The following MMP16 variants were observed in gnomAD, a reference collection of about 807,000 sequenced individuals.
MMP16 encodes matrix metallopeptidase 16, also known as matrix metalloproteinase-16.
Under a neutral mutation model 67.8 loss-of-function variants are expected in MMP16, and 12 were observed. That is an observed-to-expected ratio of 0.18 (90% CI 0.11 to 0.29). The LOEUF is 0.29. MMP16 is among the 10% of genes least tolerant of loss of function. MMP16 has a pLI of 1.00. For missense variants in MMP16, 475 were observed against 765.7 expected (o/e 0.62, Z 4.48); for synonymous variants, 249 against 255.9 (o/e 0.97, Z 0.26).
intron 8 of MMP16, among the ~76,000 whole-genome samples, chr8:88,052,960 A>G (rs1238199859): frequency 2.6e-5 from 4 of 152,054 alleles, no homozygotes; most frequent in Non-Finnish European, 5.9e-5. Context: ...ACTGTTTATT[A>G]TTTGTCTCCC....
At chr8:88,065,281 T>C (rs1388008937) in intron 7 of MMP16, among the ~76,000 whole-genome samples, 1 of 152,096 alleles carries the variant, frequency 6.6e-6, no homozygotes, top group Non-Finnish European at 1.5e-5. Context: ...ATAACAGTTT[T>C]TGAAAATAAG....
rs752026949 is a variant in MMP16 at position 88,041,464 on chromosome 8, C to T, written c.1821G>A (p.Val607=). Residue 607 remains valine, a synonymous_variant, in exon 10 of 10, where the codon GTG becomes GTA. Coordinates refer to ENST00000286614, the MANE Select transcript of MMP16 (RefSeq NM_005941.5). This position sits in a 1 kb window ranked among gnomAD's most constrained non-coding sequence, Gnocchi z 6.0. Reference sequence around the variant, plus strand: ...AGAAAGAAGAAAAAACCCTACATCACACCCACTCTTGCATAGAGCGTTTAC... The same window carrying T: ...AGAAAGAAGAAAAAACCCTACATCATACCCACTCTTGCATAGAGCGTTTAC... The part of the protein sequence containing the change: ...LYCKRSMQEW[V] The T allele has an allele frequency of 1.3e-5, 21 of 1,606,038 alleles. No individual in the cohort carries two copies. The highest frequency in any genetic ancestry group is 1.1e-5 in the Non-Finnish European group (13 of 1,173,882).
intron 2 of MMP16, among the ~76,000 whole-genome samples, chr8:88,187,032 G>A (rs1235746004): frequency 6.6e-6 from 1 of 152,082 alleles, no homozygotes; most frequent in Non-Finnish European, 1.5e-5. Context: ...GAGTTTAAAT[G>A]CCAGGATTCA....
rs1416958267 is a variant in MMP16 at position 88,223,663 on chromosome 8, T to C, written c.133-26357A>G. Among the ~76,000 whole-genome samples, 6 of 120,958 alleles carry C rather than the reference T, an allele frequency of 5.0e-5. No individual in the cohort carries two copies. In the Admixed American group the frequency reaches 6.8e-4, roughly 14 times the overall value. 79.4% of individuals were successfully genotyped at this position (120,958 alleles called of 152,430 possible). On this transcript the variant is annotated intron_variant, in intron 1 of 9. Transcript: ENST00000286614. ...ACAATGAAAGCACTTGGACACAGGG[T>C]GCAGAACATCACACACTGGGCCTGT...
intron 1 of MMP16, among the ~76,000 whole-genome samples, chr8:88,205,903 G>A (rs1415652309): frequency 6.6e-6 from 1 of 151,768 alleles, no homozygotes; most frequent in Non-Finnish European, 1.5e-5. Flanking sequence ...ACTCATAATC[G>A]ATATCAGTCA....
chr8:88,206,279 A>G (rs1343067768), intron 1 of MMP16, among the ~76,000 whole-genome samples: 1 of 152,178 alleles, frequency 6.6e-6, no homozygotes, highest in African/African-American at 2.4e-5. Context: ...CTGAAACTAT[A>G]TATAGAAAAG....
At chr8:88,160,043 C>T (rs1188000607) in intron 4 of MMP16, among the ~76,000 whole-genome samples, 1 of 151,290 alleles carries the variant, frequency 6.6e-6, no homozygotes, top group Non-Finnish European at 1.5e-5. Context: ...CATATGTATA[C>T]ATGTGCCATG....
At chr8:88,238,995 C>A (rs1809990574) in intron 1 of MMP16, among the ~76,000 whole-genome samples, 1 of 151,966 alleles carries the variant, frequency 6.6e-6, no homozygotes, top group East Asian at 1.9e-4. Flanking sequence ...GTATATTTCC[C>A]ATTAGTCTAG....
intron 4 of MMP16, among the ~76,000 whole-genome samples, chr8:88,149,429 C>G (rs1459888079): frequency 3.3e-5 from 5 of 152,186 alleles, no homozygotes; most frequent in Non-Finnish European, 5.9e-5. Context: ...AACAAAAAGA[C>G]AGCAGTAACC....
chr8:88,056,331 A>T (rs1808332133), intron 7 of MMP16, 53 bp from the exon 8 acceptor site: 2 of 953,886 alleles, frequency 2.1e-6, no homozygotes, highest in African/African-American at 3.5e-5. Flanking sequence ...TCATAATTAG[A>T]ATATATCTAT....
intron 1 of MMP16, among the ~76,000 whole-genome samples, chr8:88,207,600 G>A (rs1419429424): frequency 2.0e-5 from 3 of 151,996 alleles, no homozygotes; most frequent in African/African-American, 7.2e-5. Flanking sequence ...CAGTTGAATT[G>A]CTTGTGAATT....
rs1254420363 is a variant in MMP16, at chr8:88,041,150, CT to C, written c.*310del. 1.7e-5 allele frequency: 4 copies of C among 241,000 alleles called. No homozygotes were observed. The East Asian group carries it at 3.3e-4, about 20-fold the overall frequency. The allele number at this position is 241,000 out of a possible 1,614,324, so 14.9% of individuals were successfully genotyped here. On this transcript the variant is annotated 3_prime_UTR_variant, in exon 10 of 10. Transcript: ENST00000286614. This position sits in a 1 kb window ranked among gnomAD's most constrained non-coding sequence, Gnocchi z 6.0. Reference sequence around the variant, plus strand: ...AAACTTTTAAGAAGAATCTTTTCTTCTTTTTCTCCTCTTCTTTAGTTAATCC... The same window carrying C: ...AAACTTTTAAGAAGAATCTTTTCTTCTTTTCTCCTCTTCTTTAGTTAATCC...
rs866597456 is a variant in MMP16 at position 88,294,542 on chromosome 8, A to G, written c.132+32533T>C. The stretch of plus-strand genomic sequence containing the variant: ...CACATGTATATGTCTCTATACACAT[A>G]TATGTATATATGTCTCTATACACAC... On this transcript the variant is annotated intron_variant, in intron 1 of 9. Transcript: ENST00000286614. 4.0e-4 allele frequency among the ~76,000 whole-genome samples: 60 copies of G among 150,550 alleles called. 1 individual carries two copies. Among genetic ancestry groups the G allele is most frequent in the Admixed American group, 4.0e-4 (6 of 15,064 alleles).
chr8:88,121,284 T>C (rs1807825328), intron 4 of MMP16, among the ~76,000 whole-genome samples: 1 of 152,006 alleles, frequency 6.6e-6, no homozygotes, highest in African/African-American at 2.4e-5. Flanking sequence ...AGAAAATTAA[T>C]AGAACCAGGA....
chr8:88,110,656 A>G (rs1809319460), intron 6 of MMP16, among the ~76,000 whole-genome samples: 1 of 151,498 alleles, frequency 6.6e-6, no homozygotes, highest in South Asian at 2.1e-4. Context: ...CACTTTTCGG[A>G]CTCTCTGCCA....
intron 5 of MMP16, among the ~76,000 whole-genome samples, chr8:88,118,192 A>G (rs1490759447): frequency 6.6e-6 from 1 of 152,044 alleles, no homozygotes; most frequent in African/African-American, 2.4e-5. Context: ...AAATCATTAT[A>G]TGACTTTGGG....
intron 5 of MMP16, 26 bp from the exon 6 acceptor site, chr8:88,116,744 T>C: frequency 6.3e-7 from 1 of 1,597,384 alleles, no homozygotes; most frequent in Non-Finnish European, 8.6e-7. Context: ...GGACAGTGCT[T>C]GGCTCACTTA....
chr8:88,238,383 C>T (rs1261448200), intron 1 of MMP16, among the ~76,000 whole-genome samples: 4 of 152,080 alleles, frequency 2.6e-5, no homozygotes, highest in African/African-American at 9.7e-5. Flanking sequence ...TGCAGCCGGG[C>T]CCAGTGGCTT....
chr8:88,290,250 T>C (rs572711231), intron 1 of MMP16, among the ~76,000 whole-genome samples: 73 of 152,182 alleles, frequency 4.8e-4, no homozygotes, highest in Admixed American at 4.2e-3. Flanking sequence ...TCTCTGTTTC[T>C]CTTAAAAATT....
Sources: allele counts gnomAD v4.1 joint callset (sites outside exome capture counted in the v4.1 genomes callset), GRCh38; gene constraint gnomAD v4.1.1; non-coding constraint Gnocchi (gnomAD v3.1); transcripts MANE v1.5; gene names NCBI Gene and HGNC (gene_info 2026-07-23, HGNC 2026-07-21).